FBF1: variants seen among roughly 807,000 people sequenced by gnomAD.
FBF1 encodes the protein Fas binding factor 1.
A neutral mutation model predicts 147.2 loss-of-function variants in FBF1; 119 were observed. That is an observed-to-expected ratio of 0.81 (90% CI 0.70 to 0.94). The LOEUF is 0.94. Among genes scored for constraint, FBF1 ranks in the 40% least tolerant of loss-of-function variants. FBF1 has a pLI of 0.00. For missense variants in FBF1, 1,449 were observed against 1,500.8 expected, an observed-to-expected ratio of 0.97 and a Z score of 0.57; for synonymous variants, 601 against 609.0, an observed-to-expected ratio of 0.99 and a Z score of 0.19.
intron 5 of FBF1, 109 bp downstream of exon 5, chr17:75,932,878 TAAAAAAAA>T: frequency 4.6e-6 from 2 of 435,556 alleles, no homozygotes; most frequent in Non-Finnish European, 7.3e-6. Context: ...AAATATTCTC[TAAAAAAAA>T]AAAAAAAAAA....
At chr17:75,931,201 G>A (rs2065592329) in intron 6 of FBF1, 28 bp downstream of exon 6, 1 of 1,561,968 alleles carries the variant, frequency 6.4e-7, no homozygotes, top group African/African-American at 1.4e-5. Flanking sequence ...GGATAAGTAG[G>A]GAGGTGGAGG....
Position 75,928,255 on chromosome 17 carries a change from TGA to T in FBF1, c.280-64_280-63del. On this transcript the variant is annotated intron_variant, in intron 7 of 29. Transcript: ENST00000636174. The surrounding 1 kb of genome is among the most constrained non-coding windows in gnomAD (Gnocchi z 4.2). ...TGATAAGGGGCTGAGGACTTCCACC[TGA>T]GAGAGATGGGCTGTTGGCACCCCAG... The T allele has an allele frequency of 2.2e-6, 3 of 1,354,126 alleles. No individual in the cohort carries two copies. The highest frequency in any genetic ancestry group is 3.2e-6 in the Non-Finnish European group (3 of 949,542). 83.9% of individuals were successfully genotyped at this position (1,354,126 alleles called of 1,614,324 possible).
intron 4 of FBF1, among the ~76,000 whole-genome samples, chr17:75,934,313 C>T (rs1567864108): frequency 6.6e-6 from 1 of 152,184 alleles, no homozygotes; most frequent in Non-Finnish European, 1.5e-5. Flanking sequence ...TGCCTGTAAT[C>T]CCAACACTTT....
In FBF1 at chr17:75,923,053, G is replaced by A. The variant is rs2065537710; in HGVS notation, c.1424+133C>T. ...AGGCAGAGTAGCAAAGCCAAGAAGC[G>A]GCCTCTGTGGCCACGGCGCCCTGCC... On this transcript the variant is annotated intron_variant, in intron 14 of 29. Transcript: ENST00000636174. This position sits in a 1 kb window ranked among gnomAD's most constrained non-coding sequence, Gnocchi z 4.1. 10 of 864,318 alleles carry A rather than the reference G, an allele frequency of 1.2e-5. No homozygotes were observed. The highest frequency in any genetic ancestry group is 1.7e-5 in the African/African-American group (1 of 58,348). 53.5% of individuals were successfully genotyped at this position (864,318 alleles called of 1,614,324 possible). A position where few individuals can be genotyped will look rare whatever the true frequency, so the allele number is the denominator to read the frequency against.
intron 9 of FBF1, 55 bp downstream of exon 9, chr17:75,927,400 G>C (rs2065568877): frequency 1.3e-6 from 2 of 1,490,726 alleles, no homozygotes; most frequent in African/African-American, 1.4e-5. Context: ...GCATGCCTAG[G>C]CTGCTCCACT....
At chr17:75,938,070 A>T (rs762083798) in intron 2 of FBF1, 77 bp downstream of exon 2, 1 of 1,592,300 alleles carries the variant, frequency 6.3e-7, no homozygotes, top group East Asian at 2.3e-5. Context: ...AGAGTGTTGC[A>T]TGCAGTCAAG....
In FBF1 at chr17:75,923,260, C is replaced by T; in HGVS notation, c.1350G>A (p.Leu450=). 2 of 1,589,956 alleles carry T rather than the reference C, an allele frequency of 1.3e-6. No homozygotes were observed. Among genetic ancestry groups the T allele is most frequent in the Non-Finnish European group, 1.7e-6 (2 of 1,168,600 alleles). The change falls in exon 14 of 30, where the codon CTG becomes CTA. Residue 450 remains leucine, a synonymous_variant. Transcript: ENST00000636174. This position sits in a 1 kb window ranked among gnomAD's most constrained non-coding sequence, Gnocchi z 4.1. ...AGGTCCCAGCATGCTGCTCTCTGGC[C>T]AGGCCTTGGGACTTCTTCCGAGACA... ...HALSRKKSQG[L]AREQHAGTSE... is the part of the protein sequence containing the mutation.
At chr17:75,930,088 C>G (rs1316919279) in intron 6 of FBF1, 41 bp from the exon 7 acceptor site, 2 of 1,496,746 alleles carry the variant, frequency 1.3e-6, no homozygotes, top group South Asian at 2.4e-5. Context: ...TGAGGAGGCA[C>G]ATTAGTCAAG....
Position 75,920,274 on chromosome 17 carries a change from C to T in FBF1, c.1830G>A (p.Gln610=). ...SQARLAELEA[Q]VRKLELERAQ... is the part of the protein sequence containing the mutation. The stretch of plus-strand genomic sequence containing the variant: ...CACCAACGGCCCCGCTGCCCCTCAC[C>T]TGGGCCTCCAGCTCTGCCAGCCGGG... The change falls in exon 18 of 30, where the codon CAG becomes CAA. Residue 610 remains glutamine, a splice_region_variant and synonymous_variant. Coordinates refer to ENST00000636174, the MANE Select transcript of FBF1 (RefSeq NM_001319193.2). The T allele has an allele frequency of 1.2e-6, 2 of 1,608,972 alleles. No individual in the cohort carries two copies. Among genetic ancestry groups the T allele is most frequent in the Non-Finnish European group, 1.7e-6 (2 of 1,177,858 alleles).
chr17:75,912,414 G>A, intron 28 of FBF1, 107 bp from the exon 29 acceptor site: 1 of 764,882 alleles, frequency 1.3e-6, no homozygotes, highest in Non-Finnish European at 2.1e-6. Context: ...GTGGACCCTG[G>A]CCATATACTC....
Position 75,928,212 on chromosome 17 carries a change from A to G in FBF1, c.280-19T>C. ...CCAGGTCCTAGAAAACCAGGGAGGG[A>G]GGGCAGAGGACTATGTCTGATAAGG... is the stretch of plus-strand genomic sequence containing the variant. On this transcript the variant is annotated intron_variant, in intron 7 of 29. Transcript: ENST00000636174. This position sits in a 1 kb window ranked among gnomAD's most constrained non-coding sequence, Gnocchi z 4.2. 1 of 1,606,416 alleles carries G rather than the reference A, an allele frequency of 6.2e-7. No individual in the cohort carries two copies. Among genetic ancestry groups the G allele is most frequent in the East Asian group, 2.2e-5 (1 of 44,832 alleles).
At chr17:75,934,031 T>C (rs2065609464) in intron 4 of FBF1, among the ~76,000 whole-genome samples, 1 of 152,146 alleles carries the variant, frequency 6.6e-6, no homozygotes, top group East Asian at 1.9e-4. Context: ...TACCATATGG[T>C]CCAGGAATTC....
At chr17:75,937,764 C>T in intron 2 of FBF1, 171 bp from the exon 3 acceptor site, 1 of 755,666 alleles carries the variant, frequency 1.3e-6, no homozygotes. Context: ...TGAGAACGGA[C>T]TCATTCAGAG....
intron 23 of FBF1, among the ~76,000 whole-genome samples, 189 bp from the exon 24 acceptor site, chr17:75,915,328 C>A (rs1460298620): frequency 5.3e-5 from 8 of 152,324 alleles, no homozygotes; most frequent in African/African-American, 1.9e-4. Context: ...CGATTCTGCC[C>A]AAGAGAAGGA....
Position 75,927,538 on chromosome 17 carries a change from G to A in FBF1, c.398-6C>T, listed in dbSNP as rs1598158889. On this transcript the variant is annotated splice_region_variant and splice_polypyrimidine_tract_variant and intron_variant, in intron 8 of 29. Coordinates refer to ENST00000636174, the MANE Select transcript of FBF1 (RefSeq NM_001319193.2). ...CTTGGTGGGAATGGCACCCCCTGCA[G>A]GAAGCAGAAGACAAGGTCATGGGCC... 1 of 1,595,474 alleles carries A rather than the reference G, an allele frequency of 6.3e-7. No individual in the cohort carries two copies. The highest frequency in any genetic ancestry group is 8.5e-7 in the Non-Finnish European group (1 of 1,171,086).
intron 1 of FBF1, among the ~76,000 whole-genome samples, chr17:75,939,253 C>T (rs900328408): frequency 1.2e-4 from 18 of 149,170 alleles, no homozygotes; most frequent in African/African-American, 4.5e-4. Flanking sequence ...CCGAGATCGC[C>T]CCACTGCACT....
chr17:75,921,153 C>T, intron 17 of FBF1, 91 bp downstream of exon 17: 4 of 1,316,340 alleles, frequency 3.0e-6, no homozygotes, highest in South Asian at 1.3e-5. Flanking sequence ...TTTTTCCTGG[C>T]AGGTCGTCAG....
intron 25 of FBF1, 139 bp from the exon 26 acceptor site, chr17:75,914,437 A>C: frequency 5.3e-6 from 7 of 1,327,086 alleles, no homozygotes; most frequent in Non-Finnish European, 7.0e-6. Flanking sequence ...GAGCCAGAGA[A>C]GCCTGGGGCC....
Position 75,926,172 on chromosome 17 carries a change from C to T in FBF1, c.735-9G>A, listed in dbSNP as rs202125744. 637 of 1,606,354 alleles carry T rather than the reference C, an allele frequency of 4.0e-4. 3 individuals are homozygous for T. In the Middle Eastern group the frequency reaches 4.3e-3, roughly 11 times the overall value. On this transcript the variant is annotated splice_polypyrimidine_tract_variant and intron_variant, in intron 11 of 29. Transcript: ENST00000636174. ...CAGGGCGAGGCCCTTCCCTGCAGGA[C>T]GGGACACACGGCAGGAACGTGTAGG...
Sources: gnomAD v4.1 joint callset for allele counts (sites outside exome capture counted in the v4.1 genomes callset) on GRCh38, gnomAD v4.1.1 for gene constraint, Gnocchi (gnomAD v3.1) non-coding constraint, MANE v1.5 for transcripts, NCBI Gene and HGNC (gene_info 2026-07-23, HGNC 2026-07-21) for gene names.